Variants in GRIA4 observed in about 807,000 individuals in gnomAD.
GRIA4 encodes the protein glutamate receptor 4.
GRIA4 carries 34 observed loss-of-function variants against 104.0 expected under a neutral mutation model. The ratio of observed to expected loss-of-function variants is 0.33; its 90% CI spans 0.25 to 0.44. The LOEUF (loss-of-function observed/expected upper bound fraction) is 0.44, where lower values mean the gene tolerates loss of function less well. GRIA4 is among the 20% of genes least tolerant of loss of function. GRIA4 has a pLI of 1.00. For synonymous variants in GRIA4, 386 were observed against 381.9 expected, an observed-to-expected ratio of 1.01 and a Z score of -0.13; for missense variants, 750 against 1,096.5, an observed-to-expected ratio of 0.68 and a Z score of 4.46.
intron 3 of GRIA4, among the ~76,000 whole-genome samples, chr11:105,716,668 C>T (rs1403399962): frequency 6.6e-6 from 1 of 152,024 alleles, no homozygotes; most frequent in African/African-American, 2.4e-5. Flanking sequence ...AATATAATTC[C>T]CTAGAGAAGA....
rs145993225 is a variant in GRIA4 at position 105,921,748 on chromosome 11, T to C, written c.1477-2651T>C. Among the ~76,000 whole-genome samples, 9 of 152,250 alleles carry C rather than the reference T, an allele frequency of 5.9e-5. No individual in the cohort carries two copies. The East Asian group carries it at 1.7e-3, about 29-fold the overall frequency. On this transcript the variant is annotated intron_variant, in intron 11 of 16. Transcript: ENST00000282499. ...AGATACCTCACAGAACAATGTAGTATGTGAAAGGAGGCATTTCAAGTAAGT... is the reference window on the plus strand; with the variant it reads ...AGATACCTCACAGAACAATGTAGTACGTGAAAGGAGGCATTTCAAGTAAGT...
At chr11:105,640,656 C>G (rs2409574) in intron 3 of GRIA4, among the ~76,000 whole-genome samples, 47,865 of 151,226 alleles carry the variant, frequency 0.32, 8,020 homozygotes, top group Admixed American at 0.46. Flanking sequence ...ACAATTTGAC[C>G]ACATTTCTAC....
At chr11:105,612,513 A>T (rs926242574) in intron 3 of GRIA4, 79 bp downstream of exon 3, 3 of 1,152,616 alleles carry the variant, frequency 2.6e-6, no homozygotes, top group African/African-American at 1.6e-5. Flanking sequence ...TTGTTATTTA[A>T]TTTTTTTAGA....
At chr11:105,669,020 GCTTT>G (rs1952274177) in intron 3 of GRIA4, among the ~76,000 whole-genome samples, 1 of 151,804 alleles carries the variant, frequency 6.6e-6, no homozygotes, top group Non-Finnish European at 1.5e-5. Context: ...GCCATTTGCG[GCTTT>G]CTTAGAGTGC....
chr11:105,975,797 C>T (rs1379034963), intron 16 of GRIA4, among the ~76,000 whole-genome samples: 7 of 152,040 alleles, frequency 4.6e-5, no homozygotes, highest in African/African-American at 1.7e-4. Flanking sequence ...TTTTGAAATA[C>T]TTGTATCTTA....
intron 3 of GRIA4, among the ~76,000 whole-genome samples, chr11:105,709,251 T>C (rs1565481956): frequency 6.6e-6 from 1 of 152,088 alleles, no homozygotes; most frequent in East Asian, 1.9e-4. Flanking sequence ...TCAATGCCTA[T>C]GAGCCCAAAT....
intron 3 of GRIA4, among the ~76,000 whole-genome samples, chr11:105,703,019 G>GA (rs1264313922): frequency 6.6e-6 from 1 of 152,046 alleles, no homozygotes; most frequent in East Asian, 1.9e-4. Context: ...CAACTTGCTA[G>GA]AAAAGTGATG....
intron 15 of GRIA4, among the ~76,000 whole-genome samples, chr11:105,972,507 TGAAGAAC>T (rs1394732884): frequency 2.2e-4 from 33 of 152,296 alleles, no homozygotes; most frequent in East Asian, 3.9e-4. Flanking sequence ...CACTTTAGTT[TGAAGAAC>T]CTCCATTATA....
intron 14 of GRIA4, among the ~76,000 whole-genome samples, chr11:105,947,632 C>G (rs562814607): frequency 5.9e-5 from 9 of 152,164 alleles, no homozygotes; most frequent in African/African-American, 2.2e-4. Flanking sequence ...TACTTGCATT[C>G]AATTTATTAA....
At chr11:105,668,239 A>ATAGTATAT (rs35278952) in intron 3 of GRIA4, among the ~76,000 whole-genome samples, 48 of 136,636 alleles carry the variant, frequency 3.5e-4, no homozygotes, top group Admixed American at 9.9e-4. Flanking sequence ...ATATATATAT[A>ATAGTATAT]TATATATACT....
chr11:105,610,702 C>T (rs1324578412), intron 1 of GRIA4: 1 of 356,648 alleles, frequency 2.8e-6, no homozygotes, highest in Non-Finnish European at 5.2e-6. Context: ...GACGCTCCAC[C>T]ACCATCTTTT....
intron 4 of GRIA4, among the ~76,000 whole-genome samples, chr11:105,790,099 A>G (rs775344337): frequency 6.6e-6 from 1 of 152,318 alleles, no homozygotes; most frequent in Admixed American, 6.5e-5. Context: ...GCTATTCAAA[A>G]TGCAAAACTG....
intron 3 of GRIA4, among the ~76,000 whole-genome samples, chr11:105,651,466 CCT>C (rs1951684848): frequency 6.6e-6 from 1 of 152,056 alleles, no homozygotes; most frequent in African/African-American, 2.4e-5. Context: ...GAATCTCTCT[CCT>C]CTCTCATTTT....
At chr11:105,875,622 T>A (rs1421182804) in intron 5 of GRIA4, among the ~76,000 whole-genome samples, 1 of 152,222 alleles carries the variant, frequency 6.6e-6, no homozygotes, top group Non-Finnish European at 1.5e-5. Flanking sequence ...GGATTCTACT[T>A]CTTCCTGGTT....
intron 4 of GRIA4, among the ~76,000 whole-genome samples, chr11:105,849,335 C>T (rs979056372): frequency 6.6e-6 from 1 of 152,178 alleles, no homozygotes; most frequent in African/African-American, 2.4e-5. Context: ...AATACCAATA[C>T]AGAGCAAGGT....
chr11:105,696,738 T>C (rs904354666), intron 3 of GRIA4, among the ~76,000 whole-genome samples: 4 of 151,298 alleles, frequency 2.6e-5, no homozygotes, highest in Admixed American at 1.3e-4. Context: ...GATGTAAGAA[T>C]AGACTTTTCC....
In GRIA4 at chr11:105,616,211, CTT is replaced by C. The variant is rs1240727192; in HGVS notation, c.247+3781_247+3782del. The stretch of plus-strand genomic sequence containing the variant: ...TAAAGTGATTTTTTTATCTTGTTCT[CTT>C]TTTCTAGCTAGAATCATTTTATTCA... On this transcript the variant is annotated intron_variant, in intron 3 of 16. Coordinates refer to ENST00000282499, the MANE Select transcript of GRIA4 (RefSeq NM_000829.4). Among the ~76,000 whole-genome samples, 4 of 151,468 alleles carry C rather than the reference CTT, an allele frequency of 2.6e-5. No homozygotes were observed. In the East Asian group the frequency reaches 5.8e-4, roughly 22 times the overall value.
chr11:105,743,443 T>C (rs1939447185), intron 3 of GRIA4, among the ~76,000 whole-genome samples: 1 of 152,198 alleles, frequency 6.6e-6, no homozygotes, highest in Admixed American at 6.5e-5. Context: ...ATCTGCCAGG[T>C]CTCCTATTCC....
intron 4 of GRIA4, among the ~76,000 whole-genome samples, chr11:105,855,939 C>T (rs1191302871): frequency 6.6e-6 from 1 of 152,046 alleles, no homozygotes; most frequent in East Asian, 1.9e-4. Context: ...AAAATATGTG[C>T]TTCTGAAGGT....
Sources: gnomAD v4.1 joint callset for allele counts (sites outside exome capture counted in the v4.1 genomes callset) on GRCh38, gnomAD v4.1.1 for gene constraint, MANE v1.5 for transcripts, NCBI Gene and HGNC (gene_info 2026-07-23, HGNC 2026-07-21) for gene names.